Variants in NPC1 observed in about 807,000 individuals in gnomAD.
NPC1 encodes the protein NPC intracellular cholesterol transporter 1, also known as Niemann-Pick C1 protein.
NPC1 carries 85 observed loss-of-function variants against 140.4 expected under a neutral mutation model. That is an observed-to-expected ratio of 0.61 (90% CI 0.51 to 0.72). The LOEUF is 0.72. Among genes scored for constraint, NPC1 ranks in the 30% least tolerant of loss-of-function variants. The probability of loss-of-function intolerance (pLI) is 0.00; values close to 1 mark genes in which losing one functional copy is unlikely to be tolerated. For synonymous variants in NPC1, 656 were observed against 624.8 expected, an observed-to-expected ratio of 1.05 and a Z score of -0.74; for missense variants, 1,504 against 1,623.8, an observed-to-expected ratio of 0.93 and a Z score of 1.27.
In NPC1 at chr18:23,556,612, T is replaced by C; in HGVS notation, c.957A>G (p.Gly319=). Residue 319 remains glycine, a splice_region_variant and synonymous_variant, in exon 8 of 25, where the codon GGA becomes GGG. Transcript: ENST00000269228. ...TGACAGGGTCACAGCAGGACGCCTC[T>C]CCTGGAAGAACGGGAGAGGAAGGGA... ...IAFSVNASDK[G]EASCCDPVSA... The C allele has an allele frequency of 6.2e-7, 1 of 1,613,882 alleles. No individual in the cohort carries two copies. The highest frequency in any genetic ancestry group is 1.3e-5 in the African/African-American group (1 of 74,976).
intron 6 of NPC1, among the ~76,000 whole-genome samples, chr18:23,558,208 C>G (rs1158537784): frequency 6.6e-6 from 1 of 152,076 alleles, no homozygotes; most frequent in Non-Finnish European, 1.5e-5. Flanking sequence ...TCAGGAGGAA[C>G]AAAATATTAG....
At chr18:23,515,252 A>G (rs2057968664) in intron 3 of NPC1, among the ~76,000 whole-genome samples, 1 of 152,154 alleles carries the variant, frequency 6.6e-6, no homozygotes. Context: ...TTGGAGGGAA[A>G]CAGCCTACCC....
chr18:23,544,633 G>T, intron 12 of NPC1, 107 bp from the exon 13 acceptor site: 1 of 1,000,896 alleles, frequency 1.0e-6, no homozygotes, highest in Non-Finnish European at 1.6e-6. Flanking sequence ...TAAACCTAGA[G>T]TTGAATGTAC....
chr18:23,529,871 A>ACGG (rs2058437185), downstream of NPC1: 11 of 1,034,196 alleles, frequency 1.1e-5, no homozygotes, highest in Admixed American at 1.8e-4. Flanking sequence ...TGGGAAGTGT[A>ACGG]AGGTCAAGTT....
Position 23,544,952 on chromosome 18 carries a change from C to CCCCT in NPC1, c.1947+7_1947+8insAGGG, listed in dbSNP as rs1555634618. 4 of 1,430,716 alleles carry CCCCT rather than the reference C, an allele frequency of 2.8e-6. No individual in the cohort carries two copies. The highest frequency in any genetic ancestry group is 3.9e-6 in the Non-Finnish European group (4 of 1,025,410). 88.6% of individuals were successfully genotyped at this position (1,430,716 alleles called of 1,614,324 possible). On this transcript the variant is annotated splice_region_variant and intron_variant, in intron 12 of 24. Coordinates refer to ENST00000269228, the MANE Select transcript of NPC1 (RefSeq NM_000271.5). ...CTCTAGAACATACACCACCCCCCCC[C>CCCCT]GGCTTACCAGAAGCCTGCGACAGCT...
intron 3 of NPC1, chr18:23,506,863 T>C (rs1305447070): frequency 1.3e-6 from 1 of 759,496 alleles, no homozygotes; most frequent in African/African-American, 1.8e-5. Flanking sequence ...AATTTTAGAC[T>C]AGAATTTGCT....
At chr18:23,572,258 C>T (rs969497350) in intron 2 of NPC1, 78 bp from the exon 3 acceptor site, 66 of 905,884 alleles carry the variant, frequency 7.3e-5, no homozygotes, top group Admixed American at 5.5e-4. Context: ...AACTAAGACA[C>T]ATTCATTCAT....
In NPC1 at chr18:23,536,715, G is replaced by C. The variant is rs754323286; in HGVS notation, c.3203C>G (p.Thr1068Ser). Residue 1068 changes from threonine (T) to serine (S), a missense_variant, in exon 21 of 25, where the codon ACC becomes AGC. Physicochemically the swap from Thr to Ser is moderately conservative, Grantham distance 58 (BLOSUM62 1). Coordinates refer to ENST00000269228, the MANE Select transcript of NPC1 (RefSeq NM_000271.5). ...GTAGGCACTGCCGTTAATGCCCATGGTTTCGGTGACATTACTGGCTATAAG... is the reference window on the plus strand; with the variant it reads ...GTAGGCACTGCCGTTAATGCCCATGCTTTCGGTGACATTACTGGCTATAAG... ...ARLIASNVTETMGINGSAYRV... is the reference protein window; with the variant it reads ...ARLIASNVTESMGINGSAYRV... 4 of 1,614,090 alleles carry C rather than the reference G, an allele frequency of 2.5e-6. No homozygotes were observed. The African/African-American group carries it at 5.3e-5, about 22-fold the overall frequency.
chr18:23,516,733 T>TG (rs1325690837), intron 3 of NPC1, among the ~76,000 whole-genome samples: 3 of 151,898 alleles, frequency 2.0e-5, no homozygotes, highest in Non-Finnish European at 2.9e-5. Context: ...TCTTCTTTTT[T>TG]TTTTTTTTTC....
chr18:23,577,175 C>T (rs4296334), intron 1 of NPC1, among the ~76,000 whole-genome samples: 106,885 of 144,206 alleles, frequency 0.74, 40,596 homozygotes, highest in East Asian at 0.92. Context: ...AGAGTGTCGA[C>T]TGGTGCACTC....
downstream of NPC1, chr18:23,529,345 A>G: frequency 6.4e-7 from 1 of 1,574,504 alleles, no homozygotes; most frequent in Non-Finnish European, 8.6e-7. Context: ...TGCTCAAAAC[A>G]AGGAAGTTGC....
downstream of NPC1, chr18:23,529,930 T>TA (rs1311374815): frequency 1.1e-5 from 13 of 1,211,116 alleles, no homozygotes; most frequent in Non-Finnish European, 1.6e-5. Flanking sequence ...GACAGACTTT[T>TA]ACTGTGTTGG....
At chr18:23,558,081 G>T (rs1243546821) in intron 6 of NPC1, among the ~76,000 whole-genome samples, 1 of 152,174 alleles carries the variant, frequency 6.6e-6, no homozygotes, top group Non-Finnish European at 1.5e-5. Flanking sequence ...CAGAAGTCCA[G>T]TTAGTAAATG....
intron 3 of NPC1, chr18:23,507,873 TG>T: frequency 1.2e-6 from 1 of 847,324 alleles, no homozygotes; most frequent in Non-Finnish European, 1.7e-6. Flanking sequence ...AGTTATTTTC[TG>T]GTCACTTTTT....
intron 4 of NPC1, among the ~76,000 whole-genome samples, chr18:23,565,630 A>T (rs1320119999): frequency 3.3e-5 from 5 of 152,258 alleles, no homozygotes; most frequent in Admixed American, 3.3e-4. Flanking sequence ...CTTGGATTAC[A>T]GGTGTGAGCC....
chr18:23,567,804 T>C (rs2059147646), intron 4 of NPC1, among the ~76,000 whole-genome samples: 1 of 152,228 alleles, frequency 6.6e-6, no homozygotes, highest in African/African-American at 2.4e-5. Flanking sequence ...TTGTAAGTGG[T>C]GGAGTACATT....
intron 1 of NPC1, among the ~76,000 whole-genome samples, chr18:23,576,286 T>C (rs528711738): frequency 9.9e-5 from 15 of 152,176 alleles, no homozygotes; most frequent in Non-Finnish European, 2.2e-4. Flanking sequence ...CCGAGCCTAG[T>C]GGCACATGCC....
rs1422890564 is a variant in NPC1, at chr18:23,541,206, T to C, written c.2376A>G (p.Lys792=). ...CACAGCAAAAGATGTCTAGCCGATTTTTCTGAGGGGACAGAGGGAAACAAA... is the reference window on the plus strand; with the variant it reads ...CACAGCAAAAGATGTCTAGCCGATTCTTCTGAGGGGACAGAGGGAAACAAA... ...LLGLDIKRQE[K]NRLDIFCCVR... Residue 792 remains lysine, a splice_region_variant and synonymous_variant, in exon 16 of 25, where the codon AAA becomes AAG. Coordinates refer to ENST00000269228, the MANE Select transcript of NPC1 (RefSeq NM_000271.5). The C allele has an allele frequency of 6.2e-7, 1 of 1,614,244 alleles. No individual in the cohort carries two copies. The highest frequency in any genetic ancestry group is 8.5e-7 in the Non-Finnish European group (1 of 1,180,032).
chr18:23,539,716 A>G, intron 18 of NPC1, 95 bp downstream of exon 18: 1 of 1,384,940 alleles, frequency 7.2e-7, no homozygotes, highest in Non-Finnish European at 1.0e-6. Flanking sequence ...TTTCCAAGAA[A>G]GTCTATTTTC....
Sources: gnomAD v4.1 joint callset for allele counts (sites outside exome capture counted in the v4.1 genomes callset) on GRCh38, gnomAD v4.1.1 for gene constraint, MANE v1.5 for transcripts, NCBI Gene and HGNC (gene_info 2026-07-23, HGNC 2026-07-21) for gene names.